WNT3A: variants seen among roughly 807,000 people sequenced by gnomAD.
WNT3A encodes the protein protein Wnt-3a.
Under a neutral mutation model 37.0 loss-of-function variants are expected in WNT3A, and 17 were observed. The ratio of observed to expected loss-of-function variants is 0.46; its 90% CI spans 0.31 to 0.69. WNT3A has a LOEUF of 0.69. WNT3A is among the 30% of genes least tolerant of loss of function. The pLI is 0.05. For missense variants in WNT3A, 411 were observed against 510.2 expected, an observed-to-expected ratio of 0.81 and a Z score of 1.87; for synonymous variants, 187 against 211.0, an observed-to-expected ratio of 0.89 and a Z score of 0.99.
intron 1 of WNT3A, among the ~76,000 whole-genome samples, chr1:228,020,300 C>A (rs1031623953): frequency 2.6e-5 from 4 of 152,246 alleles, no homozygotes; most frequent in African/African-American, 9.6e-5. Context: ...CATGGGCACC[C>A]CCAGGCCCCT....
Position 228,037,770 on chromosome 1 carries a change from G to T in WNT3A, c.314-12886G>T, listed in dbSNP as rs1399609241. On this transcript the variant is annotated intron_variant, in intron 2 of 3. Transcript: ENST00000284523. This position sits in a 1 kb window ranked among gnomAD's most constrained non-coding sequence, Gnocchi z 4.1. ...CCGACTCCCCGCCGCGTCCGGCTGG[G>T]AGCACAATATCCCAGCGACGGCGAC... is the stretch of plus-strand genomic sequence containing the variant. Among the ~76,000 whole-genome samples the T allele has an allele frequency of 2.0e-5, 3 of 152,234 alleles. No individual in the cohort carries two copies. The highest frequency in any genetic ancestry group is 4.4e-5 in the Non-Finnish European group (3 of 68,038).
At position 228,022,999 on chromosome 1, in the gene WNT3A, G is replaced by A. The variant is rs552346041; in HGVS notation, c.313+91G>A. The A allele has an allele frequency of 2.2e-5, 33 of 1,516,444 alleles. No individual in the cohort carries two copies. The East Asian group carries it at 2.3e-4, about 10-fold the overall frequency. The allele number at this position is 1,516,444 out of a possible 1,614,324, so 93.9% of individuals were successfully genotyped here. On this transcript the variant is annotated intron_variant, in intron 2 of 3. Coordinates refer to ENST00000284523, the MANE Select transcript of WNT3A (RefSeq NM_033131.4). Reference sequence around the variant, plus strand: ...GCCTGACATTCTCATCTGTGCACACGGTGGGAACAGTGCCTCACGCGGACG... The same window carrying A: ...GCCTGACATTCTCATCTGTGCACACAGTGGGAACAGTGCCTCACGCGGACG...
At chr1:228,023,773 T>C (rs2030789842) in intron 2 of WNT3A, among the ~76,000 whole-genome samples, 1 of 152,244 alleles carries the variant, frequency 6.6e-6, no homozygotes, top group Non-Finnish European at 1.5e-5. Context: ...AGTTCCAAAA[T>C]ATCTTTATCA....
chr1:228,034,635 T>C (rs1192044832), intron 2 of WNT3A, among the ~76,000 whole-genome samples: 1 of 152,164 alleles, frequency 6.6e-6, no homozygotes, highest in Non-Finnish European at 1.5e-5. Context: ...AATAAATAGA[T>C]AAAAATGGGA....
At chr1:228,057,559 G>A (rs1228090456) in intron 3 of WNT3A, among the ~76,000 whole-genome samples, 4 of 152,128 alleles carry the variant, frequency 2.6e-5, no homozygotes, top group Non-Finnish European at 5.9e-5. Flanking sequence ...ACTGGGCAGG[G>A]CGAGGGATAT....
At chr1:228,035,624 A>G (rs985584089) in intron 2 of WNT3A, among the ~76,000 whole-genome samples, 3 of 152,168 alleles carry the variant, frequency 2.0e-5, no homozygotes, top group Non-Finnish European at 2.9e-5. Flanking sequence ...GAATTTCTCA[A>G]TGGGGCTCTT....
chr1:228,021,218 G>A (rs942683650), intron 1 of WNT3A, among the ~76,000 whole-genome samples: 3 of 152,198 alleles, frequency 2.0e-5, no homozygotes, highest in Admixed American at 6.5e-5. Context: ...GTAGCCACGG[G>A]CCACACGTGA....
At chr1:228,048,957 G>T (rs909128475) in intron 2 of WNT3A, among the ~76,000 whole-genome samples, 2 of 152,136 alleles carry the variant, frequency 1.3e-5, no homozygotes, top group Non-Finnish European at 2.9e-5. Context: ...CCACCCTTCT[G>T]CACAAGCAAT....
At chr1:228,033,681 T>C (rs567166943) in intron 2 of WNT3A, among the ~76,000 whole-genome samples, 1 of 152,342 alleles carries the variant, frequency 6.6e-6, no homozygotes, top group Non-Finnish European at 1.5e-5. Context: ...TAGGATTAGC[T>C]CATCAATTTC....
chr1:228,010,767 G>A (rs1261754330), intron 1 of WNT3A, among the ~76,000 whole-genome samples: 1 of 152,188 alleles, frequency 6.6e-6, no homozygotes, highest in African/African-American at 2.4e-5. Flanking sequence ...CCTCGCTCAT[G>A]CTCCCTCCAG....
At chr1:228,056,484 T>C (rs1386991953) in intron 3 of WNT3A, among the ~76,000 whole-genome samples, 1 of 151,728 alleles carries the variant, frequency 6.6e-6, no homozygotes, top group African/African-American at 2.4e-5. Context: ...AATCCTCAAA[T>C]TGAAAGATAG....
chr1:228,025,375 G>T (rs979083864), intron 2 of WNT3A, among the ~76,000 whole-genome samples: 9 of 152,118 alleles, frequency 5.9e-5, no homozygotes, highest in African/African-American at 1.9e-4. Flanking sequence ...TTGAGACAGG[G>T]TCTCACTCTG....
intron 1 of WNT3A, among the ~76,000 whole-genome samples, chr1:228,010,273 C>T (rs747689055): frequency 7.9e-5 from 12 of 152,212 alleles, no homozygotes; most frequent in Admixed American, 2.6e-4. Flanking sequence ...TCTGGGTTAA[C>T]GGAATCTTGT....
intron 2 of WNT3A, among the ~76,000 whole-genome samples, chr1:228,036,775 G>T (rs944268026): frequency 1.3e-5 from 2 of 152,202 alleles, no homozygotes; most frequent in Non-Finnish European, 2.9e-5. Flanking sequence ...GGTAAAGCTG[G>T]CAAGGACACA....
intron 2 of WNT3A, among the ~76,000 whole-genome samples, chr1:228,046,261 T>G (rs566525619): frequency 2.6e-5 from 4 of 152,210 alleles, no homozygotes; most frequent in Non-Finnish European, 5.9e-5. Flanking sequence ...GGGAGAGGTG[T>G]GCATGTGTGT....
At chr1:228,043,771 C>G (rs917260158) in intron 2 of WNT3A, among the ~76,000 whole-genome samples, 20 of 152,152 alleles carry the variant, frequency 1.3e-4, no homozygotes, top group African/African-American at 4.8e-4. Flanking sequence ...TGGATTCTCT[C>G]TCCAGAAAGA....
intron 3 of WNT3A, among the ~76,000 whole-genome samples, chr1:228,057,929 C>G (rs373040343): frequency 2.0e-5 from 3 of 152,330 alleles, no homozygotes; most frequent in East Asian, 1.9e-4. Flanking sequence ...CTGCCTCCCC[C>G]TCCTGGCTCA....
chr1:228,059,930 T>A lies in WNT3A; in HGVS notation c.*465T>A, dbSNP rs1415934577. 2 of 1,082,904 alleles carry A rather than the reference T, an allele frequency of 1.8e-6. No individual in the cohort carries two copies. The highest frequency in any genetic ancestry group is 3.4e-5 in the African/African-American group (2 of 58,998). The allele number at this position is 1,082,904 out of a possible 1,614,324, so 67.1% of individuals were successfully genotyped here. A position where few individuals can be genotyped will look rare whatever the true frequency, so the allele number is the denominator to read the frequency against. On this transcript the variant is annotated 3_prime_UTR_variant, in exon 4 of 4. Coordinates refer to ENST00000284523, the MANE Select transcript of WNT3A (RefSeq NM_033131.4). ...GCGGGGCTCTAGGATGGGGCACGGCTCTGGGGTAGGCTGCTCCCTGAGGGC... is the reference window on the plus strand; with the variant it reads ...GCGGGGCTCTAGGATGGGGCACGGCACTGGGGTAGGCTGCTCCCTGAGGGC...
At chr1:228,023,695 G>A (rs553168464) in intron 2 of WNT3A, among the ~76,000 whole-genome samples, 12 of 152,206 alleles carry the variant, frequency 7.9e-5, no homozygotes, top group Admixed American at 1.3e-4. Context: ...CCGAAAATCC[G>A]CGATTTTAAA....
Sources: allele counts gnomAD v4.1 joint callset (sites outside exome capture counted in the v4.1 genomes callset), GRCh38; gene constraint gnomAD v4.1.1; non-coding constraint Gnocchi (gnomAD v3.1); transcripts MANE v1.5; gene names NCBI Gene and HGNC (gene_info 2026-07-23, HGNC 2026-07-21).